The following SEMA3A variants were observed in gnomAD, a reference collection of about 807,000 sequenced individuals.
SEMA3A encodes semaphorin-3A.
In SEMA3A, 29 loss-of-function variants were observed where a neutral mutation model predicts 97.9. The ratio of observed to expected loss-of-function variants is 0.30; its 90% CI spans 0.22 to 0.40. The LOEUF is 0.40. Among genes scored for constraint, SEMA3A ranks in the 10% least tolerant of loss-of-function variants. The probability of loss-of-function intolerance (pLI) is 1.00; values close to 1 mark genes in which losing one functional copy is unlikely to be tolerated. For synonymous variants in SEMA3A, 321 were observed against 323.7 expected (o/e 0.99, Z 0.09); for missense variants, 763 against 951.3 (o/e 0.80, Z 2.60).
At chr7:84,331,313 T>C (rs1042595277) in intron 2 of SEMA3A, among the ~76,000 whole-genome samples, 4 of 152,154 alleles carry the variant, frequency 2.6e-5, no homozygotes, top group African/African-American at 7.2e-5. Context: ...AGGCTTAATA[T>C]TTTATGACAA....
chr7:83,991,488 C>G (rs191726613), intron 12 of SEMA3A, among the ~76,000 whole-genome samples: 1 of 150,234 alleles, frequency 6.7e-6, no homozygotes, highest in Admixed American at 6.6e-5. Context: ...TTTTGAAATA[C>G]GTCCCATCAA....
intron 2 of SEMA3A, among the ~76,000 whole-genome samples, chr7:84,340,419 G>A (rs1377949285): frequency 7.2e-5 from 11 of 151,996 alleles, no homozygotes; most frequent in Non-Finnish European, 1.0e-4. Context: ...AAATACTTTG[G>A]AAATATTTGT....
chr7:84,260,892 AAGCCTGAGGCCCAGACT>A (rs1336358118), intron 3 of SEMA3A, among the ~76,000 whole-genome samples: 2 of 152,186 alleles, frequency 1.3e-5, no homozygotes, highest in African/African-American at 4.8e-5. Flanking sequence ...GGACTTCCTG[AAGCCTGAGGCCCAGACT>A]GTCCATTCCA....
At chr7:84,270,576 T>C (rs1239968423) in intron 3 of SEMA3A, among the ~76,000 whole-genome samples, 1 of 147,710 alleles carries the variant, frequency 6.8e-6, no homozygotes, top group Non-Finnish European at 1.5e-5. Context: ...TAATTCATAT[T>C]CATAAATATA....
At chr7:84,084,169 T>C (rs956654245) in intron 4 of SEMA3A, among the ~76,000 whole-genome samples, 1 of 152,046 alleles carries the variant, frequency 6.6e-6, no homozygotes, top group African/African-American at 2.4e-5. Context: ...GAAGAACCAT[T>C]TATAATTTTT....
intron 3 of SEMA3A, among the ~76,000 whole-genome samples, chr7:84,302,692 A>G (rs1801048426): frequency 6.6e-6 from 1 of 152,174 alleles, no homozygotes; most frequent in Admixed American, 6.5e-5. Flanking sequence ...GACAATGATA[A>G]TGAATAATGG....
intron 1 of SEMA3A, among the ~76,000 whole-genome samples, chr7:84,151,340 GA>G (rs907017546): frequency 2.6e-5 from 4 of 150,980 alleles, no homozygotes; most frequent in African/African-American, 7.3e-5. Context: ...TGAAAACTTT[GA>G]AAAAAATTTA....
chr7:84,181,568 T>C (rs900657531), intron 1 of SEMA3A, among the ~76,000 whole-genome samples: 2 of 152,114 alleles, frequency 1.3e-5, no homozygotes, highest in African/African-American at 2.4e-5. Flanking sequence ...TTTAATATTG[T>C]ATCCTAAAAA....
intron 3 of SEMA3A, among the ~76,000 whole-genome samples, chr7:84,117,675 T>G (rs184597241): frequency 1.9e-3 from 291 of 152,282 alleles, no homozygotes; most frequent in Non-Finnish European, 3.2e-3. Context: ...GTGGAACAGT[T>G]TCACCCCAAA....
intron 6 of SEMA3A, 36 bp downstream of exon 6, chr7:84,046,288 A>G (rs1583866695): frequency 1.2e-6 from 2 of 1,606,808 alleles, no homozygotes; most frequent in East Asian, 4.5e-5. Context: ...ACAGTTACAC[A>G]TGTTACATGT....
intron 1 of SEMA3A, 69 bp downstream of exon 1, chr7:84,194,406 G>T: frequency 1.0e-6 from 1 of 952,670 alleles, no homozygotes; most frequent in Non-Finnish European, 1.7e-6. Context: ...GGTTGGGAGG[G>T]AGTTCAAGGA....
chr7:84,150,961 C>A (rs1189680901), intron 1 of SEMA3A, among the ~76,000 whole-genome samples: 1 of 150,020 alleles, frequency 6.7e-6, no homozygotes, highest in African/African-American at 2.5e-5. Context: ...AACTGGGAGG[C>A]ACCCCCCAGC....
chr7:84,155,319 T>C (rs2116142110), intron 1 of SEMA3A, among the ~76,000 whole-genome samples: 1 of 152,256 alleles, frequency 6.6e-6, no homozygotes, highest in Non-Finnish European at 1.5e-5. Context: ...TTTTCATATT[T>C]TTAAAAATTA....
chr7:84,178,642 C>T (rs936972412), intron 1 of SEMA3A, among the ~76,000 whole-genome samples: 1 of 151,774 alleles, frequency 6.6e-6, no homozygotes, highest in Non-Finnish European at 1.5e-5. Flanking sequence ...TGCTAATGTA[C>T]CCAAATATAT....
chr7:84,179,384 CCAGA>C (rs1485027351), intron 1 of SEMA3A, among the ~76,000 whole-genome samples: 1 of 152,170 alleles, frequency 6.6e-6, no homozygotes, highest in African/African-American at 2.4e-5. Context: ...CCTCAAGTCT[CCAGA>C]CAGTGTGCTT....
intron 1 of SEMA3A, among the ~76,000 whole-genome samples, chr7:84,136,958 GAAGAAGGA>G (rs1253249439): frequency 2.1e-3 from 94 of 44,870 alleles, no homozygotes; most frequent in Middle Eastern, 0.029. Context: ...AGGAGGGAGG[GAAGAAGGA>G]AGGAAGGAAG....
intron 3 of SEMA3A, among the ~76,000 whole-genome samples, chr7:84,238,833 G>A (rs1459523582): frequency 6.6e-6 from 1 of 151,774 alleles, no homozygotes; most frequent in Non-Finnish European, 1.5e-5. Flanking sequence ...CCCTGACTCA[G>A]CCTCCCGAGT....
chr7:84,062,565 C>A (rs1247666352), intron 4 of SEMA3A, among the ~76,000 whole-genome samples: 3 of 152,220 alleles, frequency 2.0e-5, no homozygotes, highest in Non-Finnish European at 4.4e-5. Context: ...GGTGCGCGCA[C>A]CACGCGCGAG....
chr7:84,425,837 T>A (rs1027505440), intron 1 of SEMA3A, among the ~76,000 whole-genome samples: 3 of 116,942 alleles, frequency 2.6e-5, no homozygotes, highest in Admixed American at 1.1e-4. Context: ...ATATATATAA[T>A]ATATAATGTT....
Sources: allele counts gnomAD v4.1 joint callset (sites outside exome capture counted in the v4.1 genomes callset), GRCh38; gene constraint gnomAD v4.1.1; transcripts MANE v1.5; gene names NCBI Gene and HGNC (gene_info 2026-07-23, HGNC 2026-07-21).